CLEC16A: variants seen among roughly 807,000 people sequenced by gnomAD.
The protein encoded by CLEC16A is C-type lectin domain containing 16A.
CLEC16A carries 51 observed loss-of-function variants against 109.5 expected under a neutral mutation model. The observed-to-expected ratio is 0.47, with a 90% confidence interval of 0.37 to 0.59. The LOEUF (loss-of-function observed/expected upper bound fraction) is 0.59. Ranked by LOEUF, CLEC16A falls within the 20% of genes least tolerant of loss-of-function variation. The pLI is 0.00. For synonymous variants in CLEC16A, 673 were observed against 564.2 expected, an observed-to-expected ratio of 1.19 and a Z score of -2.73; for missense variants, 1,339 against 1,394.0, an observed-to-expected ratio of 0.96 and a Z score of 0.63.
At chr16:11,100,998 G>A (rs1365158575) in intron 19 of CLEC16A, among the ~76,000 whole-genome samples, 1 of 152,180 alleles carries the variant, frequency 6.6e-6, no homozygotes, top group Non-Finnish European at 1.5e-5. Context: ...CAGCCCTGCA[G>A]CCCTAGTACC....
intron 16 of CLEC16A, among the ~76,000 whole-genome samples, chr16:11,045,415 T>C (rs1186048392): frequency 1.3e-5 from 2 of 152,168 alleles, no homozygotes; most frequent in African/African-American, 4.8e-5. Flanking sequence ...TCAAGGCAGA[T>C]TTGATATCTT....
At chr16:11,110,910 A>G (rs1252363873) in intron 19 of CLEC16A, among the ~76,000 whole-genome samples, 2 of 152,214 alleles carry the variant, frequency 1.3e-5, no homozygotes, top group East Asian at 3.8e-4. Context: ...TCATGGTAAC[A>G]GCATGCTTTT....
chr16:11,143,137 C>G (rs147020850), intron 22 of CLEC16A, among the ~76,000 whole-genome samples: 3 of 152,332 alleles, frequency 2.0e-5, no homozygotes, highest in African/African-American at 7.2e-5. Context: ...TATTGAGCAC[C>G]TACTGTGTGC....
At chr16:11,168,422 C>T (rs1482894398) in intron 23 of CLEC16A, among the ~76,000 whole-genome samples, 3 of 152,220 alleles carry the variant, frequency 2.0e-5, no homozygotes, top group African/African-American at 7.2e-5. Context: ...TTTGGTGCGT[C>T]CCCAGCAGGC....
In CLEC16A at chr16:11,000,546, G is replaced by A. The variant is rs116039398; in HGVS notation, c.1072-2528G>A. Among the ~76,000 whole-genome samples the A allele has an allele frequency of 1.5e-3, 232 of 152,234 alleles. 2 individuals are homozygous for A. The highest frequency in any genetic ancestry group is 5.2e-3 in the African/African-American group (216 of 41,558). ...ATGCTTCAGGAGAAGATGAGAGGGC[G>A]ACTAGGCTGCATTCGATCACCCGGC... is the stretch of plus-strand genomic sequence containing the variant. On this transcript the variant is annotated intron_variant, in intron 10 of 23. Coordinates refer to ENST00000409790, the MANE Select transcript of CLEC16A (RefSeq NM_015226.3).
intron 19 of CLEC16A, among the ~76,000 whole-genome samples, chr16:11,073,492 C>T (rs1456513287): frequency 1.3e-5 from 2 of 152,188 alleles, no homozygotes; most frequent in African/African-American, 2.4e-5. Context: ...CTTCATCCAT[C>T]CTGATGCCCA....
At chr16:11,015,334 G>A (rs984614287) in intron 11 of CLEC16A, among the ~76,000 whole-genome samples, 3 of 152,030 alleles carry the variant, frequency 2.0e-5, no homozygotes, top group Admixed American at 2.0e-4. Flanking sequence ...ACGGGGGTTG[G>A]GGGTGAGGAA....
chr16:11,059,688 G>T (rs530165536), intron 18 of CLEC16A, among the ~76,000 whole-genome samples: 53 of 152,190 alleles, frequency 3.5e-4, no homozygotes, highest in Non-Finnish European at 6.6e-4. Context: ...GGCGCACTGG[G>T]ATTCGCCTTT....
intron 13 of CLEC16A, among the ~76,000 whole-genome samples, chr16:11,029,953 C>G (rs1459631666): frequency 1.1e-4 from 17 of 152,166 alleles, no homozygotes; most frequent in Non-Finnish European, 2.4e-4. Context: ...TTTGCACTTT[C>G]TAAAATTTTG....
At chr16:11,075,392 G>C (rs902504737) in intron 19 of CLEC16A, among the ~76,000 whole-genome samples, 2 of 130,992 alleles carry the variant, frequency 1.5e-5, no homozygotes, top group African/African-American at 6.2e-5. Flanking sequence ...GTGTGTGTGT[G>C]TGTGTGTGTG....
chr16:11,024,622 C>T, intron 12 of CLEC16A, 199 bp from the exon 13 acceptor site: 2 of 507,932 alleles, frequency 3.9e-6, no homozygotes, highest in Non-Finnish European at 7.2e-6. Context: ...TGGTCAGGTT[C>T]CCCTCTGGAT....
intron 19 of CLEC16A, 70 bp from the exon 20 acceptor site, chr16:11,120,545 A>G (rs981437275): frequency 8.8e-6 from 13 of 1,471,300 alleles, no homozygotes; most frequent in African/African-American, 5.6e-5. Flanking sequence ...AATGAGAGTC[A>G]GCTTTGGTGT....
At position 11,178,835 on chromosome 16, in the gene CLEC16A, A is replaced by G. The variant is rs201954505; in HGVS notation, c.*145A>G. The G allele has an allele frequency of 1.7e-6, 1 of 603,260 alleles. No homozygotes were observed. The highest frequency in any genetic ancestry group is 2.3e-5 in the South Asian group (1 of 42,900). The allele number at this position is 603,260 out of a possible 1,614,324, so 37.4% of individuals were successfully genotyped here. On this transcript the variant is annotated 3_prime_UTR_variant, in exon 24 of 24. Coordinates refer to ENST00000409790, the MANE Select transcript of CLEC16A (RefSeq NM_015226.3). This position sits in a 1 kb window ranked among gnomAD's most constrained non-coding sequence, Gnocchi z 6.5. ...ACCACCTATCCCTGCGCTCCCTTGA[A>G]TGGGAAGAAGCCCCACGTTGTCCTT...
chr16:11,040,834 A>G (rs2047294858), intron 14 of CLEC16A: 1 of 152,112 alleles, frequency 6.6e-6, no homozygotes, highest in Non-Finnish European at 1.5e-5. Flanking sequence ...TTTTAGGCAG[A>G]TCCCCTTTTC....
At chr16:11,109,706 G>T (rs1482609771) in intron 19 of CLEC16A, among the ~76,000 whole-genome samples, 1 of 152,184 alleles carries the variant, frequency 6.6e-6, no homozygotes, top group Non-Finnish European at 1.5e-5. Flanking sequence ...GGCCCTCCAG[G>T]TGTCCTATCA....
In CLEC16A at chr16:10,954,747, A is replaced by G. The variant is rs2041907448; in HGVS notation, c.81-3035A>G. Among the ~76,000 whole-genome samples, 1 of 152,190 alleles carries G rather than the reference A, an allele frequency of 6.6e-6. No individual in the cohort carries two copies. On this transcript the variant is annotated intron_variant, in intron 1 of 23. Transcript: ENST00000409790. The surrounding 1 kb of genome is among the most constrained non-coding windows in gnomAD (Gnocchi z 4.2). The stretch of plus-strand genomic sequence containing the variant: ...TATACTCTAGTGCCTCTCAGGAAAT[A>G]CCAGACTTTCTCTACTTCCTGCTCT...
chr16:11,020,338 G>A lies in CLEC16A; in HGVS notation c.1436+13G>A, dbSNP rs753870343. The A allele has an allele frequency of 1.3e-6, 2 of 1,599,236 alleles. No homozygotes were observed. The highest frequency in any genetic ancestry group is 1.3e-5 in the African/African-American group (1 of 74,488). On this transcript the variant is annotated intron_variant, in intron 12 of 23. Transcript: ENST00000409790. ...CGCAATGGAGCAGGTAGCTGCCCGA[G>A]AGGTCGATGCTGAGTGCTCTCTCAG... is the stretch of plus-strand genomic sequence containing the variant.
At chr16:11,112,228 G>T (rs530550617) in intron 19 of CLEC16A, among the ~76,000 whole-genome samples, 1 of 152,298 alleles carries the variant, frequency 6.6e-6, no homozygotes, top group South Asian at 2.1e-4. Flanking sequence ...GGCAACAAGA[G>T]CCCGTGCAGT....
Position 11,023,739 on chromosome 16 carries a change from C to G in CLEC16A, c.1437-1082C>G, listed in dbSNP as rs140888017. Among the ~76,000 whole-genome samples the G allele has an allele frequency of 1.4e-3, 215 of 152,260 alleles. 3 individuals carry two copies. The highest frequency in any genetic ancestry group is 4.9e-3 in the African/African-American group (205 of 41,542). On this transcript the variant is annotated intron_variant, in intron 12 of 23. Coordinates refer to ENST00000409790, the MANE Select transcript of CLEC16A (RefSeq NM_015226.3). ...TGTTTCTCCCCAGTCCCCTTTCACT[C>G]CCCGTAGGCATCCAATGTTCATTGG...
Sources: gnomAD v4.1 joint callset for allele counts (sites outside exome capture counted in the v4.1 genomes callset) on GRCh38, gnomAD v4.1.1 for gene constraint, Gnocchi (gnomAD v3.1) non-coding constraint, MANE v1.5 for transcripts, NCBI Gene and HGNC (gene_info 2026-07-23, HGNC 2026-07-21) for gene names.